Variants in NDST4 observed in about 807,000 individuals in gnomAD.
The protein encoded by NDST4 is N-deacetylase and N-sulfotransferase 4.
NDST4 carries 63 observed loss-of-function variants against 100.8 expected under a neutral mutation model. That is an observed-to-expected ratio of 0.62 (90% confidence interval 0.51 to 0.77). The LOEUF (loss-of-function observed/expected upper bound fraction) is 0.77, where lower values mean the gene tolerates loss of function less well. Among genes scored for constraint, NDST4 ranks in the 30% least tolerant of loss-of-function variants. The pLI is 0.00. For missense variants in NDST4, 943 were observed against 1,018.4 expected, an observed-to-expected ratio of 0.93 and a Z score of 1.01; for synonymous variants, 377 against 361.8, an observed-to-expected ratio of 1.04 and a Z score of -0.48.
intron 7 of NDST4, among the ~76,000 whole-genome samples, chr4:114,867,665 C>CAAAAAAAAAAAAAAAAAAAAAAAAAAAGA: frequency 2.6e-4 from 21 of 79,854 alleles, no homozygotes; most frequent in South Asian, 1.1e-3. Context: ...AAAAAAAAAG[C>CAAAAAAAAAAAAAAAAAAAAAAAAAAAGA]AAAAAAAAAA....
chr4:114,903,561 A>G (rs989338983), intron 6 of NDST4, among the ~76,000 whole-genome samples: 4 of 151,930 alleles, frequency 2.6e-5, no homozygotes, highest in African/African-American at 9.7e-5. Flanking sequence ...AGTTGTAATT[A>G]TTTGTATTTG....
At chr4:114,879,470 G>C (rs544017556) in intron 6 of NDST4, among the ~76,000 whole-genome samples, 2 of 152,040 alleles carry the variant, frequency 1.3e-5, no homozygotes, top group Non-Finnish European at 2.9e-5. Context: ...CTAAATCAAA[G>C]AGCACCCCCA....
chr4:114,922,649 T>C (rs565575522), intron 6 of NDST4, among the ~76,000 whole-genome samples: 2 of 152,256 alleles, frequency 1.3e-5, no homozygotes, highest in East Asian at 3.9e-4. Flanking sequence ...TCAAATTCTT[T>C]CTTCTGAGGA....
intron 2 of NDST4, among the ~76,000 whole-genome samples, chr4:115,053,432 T>C (rs920124555): frequency 1.3e-5 from 2 of 152,138 alleles, no homozygotes; most frequent in African/African-American, 4.8e-5. Flanking sequence ...CTTCATCTAG[T>C]TTATATAAGT....
In NDST4 at chr4:115,076,678, A is replaced by G. The variant is rs1162259582; in HGVS notation, c.359T>C (p.Leu120Pro). The change falls in exon 2 of 14, where the codon CTT becomes CCT. Residue 120 changes from leucine to proline, a missense_variant. By Grantham distance (98) the Leu-to-Pro change is moderately conservative. This residue lies in a region of NDST4 where 417 missense variants were observed against 384.2 expected (regional missense o/e 1.09). Coordinates refer to ENST00000264363, the MANE Select transcript of NDST4 (RefSeq NM_022569.3). ...ATATTTCCCTTTGCCATTATCTGTA[A>G]GAGGAGGTATATCTCCCTTTCCAGG... ...IAPGKGDIPP[L>P]TDNGKGKYTL... The G allele has an allele frequency of 6.2e-7, 1 of 1,613,812 alleles. No homozygotes were observed. Among genetic ancestry groups the G allele is most frequent in the East Asian group, 2.2e-5 (1 of 44,792 alleles).
chr4:114,865,815 A>G (rs1032333672), intron 7 of NDST4, among the ~76,000 whole-genome samples: 4 of 152,178 alleles, frequency 2.6e-5, no homozygotes, highest in African/African-American at 9.7e-5. Flanking sequence ...TCATTTTTGG[A>G]TGTCAGAATG....
At chr4:115,110,955 C>A (rs1204143499) in intron 1 of NDST4, among the ~76,000 whole-genome samples, 1 of 151,994 alleles carries the variant, frequency 6.6e-6, no homozygotes, top group Non-Finnish European at 1.5e-5. Context: ...CCAGCCAGGG[C>A]TGATATTCTA....
chr4:114,834,142 C>G (rs748509175), intron 11 of NDST4, among the ~76,000 whole-genome samples: 4 of 152,064 alleles, frequency 2.6e-5, no homozygotes, highest in Non-Finnish European at 5.9e-5. Flanking sequence ...ACAAACAAGA[C>G]AGAGGGAGGA....
intron 12 of NDST4, among the ~76,000 whole-genome samples, chr4:114,831,950 T>C (rs1723209548): frequency 6.6e-6 from 1 of 152,206 alleles, no homozygotes; most frequent in African/African-American, 2.4e-5. Context: ...GAGTTGGTTG[T>C]GGTTTGAGTT....
intron 6 of NDST4, among the ~76,000 whole-genome samples, chr4:114,906,390 T>C (rs1292157589): frequency 2.0e-5 from 3 of 151,722 alleles, no homozygotes; most frequent in South Asian, 2.1e-4. Context: ...TTTTTTGTTA[T>C]GAAAGGAGAT....
intron 1 of NDST4, among the ~76,000 whole-genome samples, chr4:115,083,331 A>C (rs769717137): frequency 1.3e-5 from 2 of 151,974 alleles, no homozygotes; most frequent in African/African-American, 2.4e-5. Context: ...CGGTGGTGTG[A>C]ACCTGTAGTT....
intron 7 of NDST4, among the ~76,000 whole-genome samples, chr4:114,861,015 G>T (rs1338440046): frequency 6.6e-6 from 1 of 152,170 alleles, no homozygotes; most frequent in African/African-American, 2.4e-5. Context: ...ACTTTGAGTA[G>T]CACTATTCTG....
intron 2 of NDST4, among the ~76,000 whole-genome samples, chr4:115,071,284 ACACAC>A (rs1729072963): frequency 1.5e-5 from 2 of 129,866 alleles, no homozygotes; most frequent in Non-Finnish European, 3.1e-5. Context: ...CTTCACACAC[ACACAC>A]ACACACACAC....
At chr4:115,081,106 A>AAG (rs1048833831) in intron 1 of NDST4, among the ~76,000 whole-genome samples, 5 of 152,096 alleles carry the variant, frequency 3.3e-5, no homozygotes, top group Admixed American at 2.0e-4. Context: ...AATTAAAAAA[A>AAG]AAACCATATG....
intron 6 of NDST4, among the ~76,000 whole-genome samples, chr4:114,929,041 T>TCC (rs1560816896): frequency 8.3e-4 from 101 of 121,956 alleles, no homozygotes; most frequent in Admixed American, 9.4e-4. Flanking sequence ...TCTGTCTGTC[T>TCC]GTCCGTCCGT....
At chr4:114,933,432 C>CT (rs367931653) in intron 6 of NDST4, among the ~76,000 whole-genome samples, 27,947 of 90,216 alleles carry the variant, frequency 0.31, 4,269 homozygotes, top group Non-Finnish European at 0.39. Context: ...TTTTCTTTTC[C>CT]TTTTTTTTTT....
chr4:115,020,772 C>T (rs1209792810), intron 2 of NDST4, among the ~76,000 whole-genome samples: 1 of 151,868 alleles, frequency 6.6e-6, no homozygotes, highest in East Asian at 1.9e-4. Context: ...AGACAGTTCC[C>T]AAAAGAAGAT....
chr4:115,071,525 A>T lies in NDST4; in HGVS notation c.978+4534T>A, dbSNP rs146902338. Among the ~76,000 whole-genome samples, 114 of 152,282 alleles carry T rather than the reference A, an allele frequency of 7.5e-4. No homozygotes were observed. In the East Asian group the frequency reaches 0.018, roughly 24 times the overall value. ...TCTTTCATACCTTGAAATAGGGATG[A>T]CATTTGAATTTCAAATTCAAATAGG... On this transcript the variant is annotated intron_variant, in intron 2 of 13. Coordinates refer to ENST00000264363, the MANE Select transcript of NDST4 (RefSeq NM_022569.3).
Position 114,838,708 on chromosome 4 carries a change from C to T in NDST4, c.2286+670G>A, listed in dbSNP as rs572154986. 2.6e-5 allele frequency among the ~76,000 whole-genome samples: 4 copies of T among 151,898 alleles called. No homozygotes were observed. In the East Asian group the frequency reaches 5.8e-4, roughly 22 times the overall value. ...GCGAGGGATAGCATTAGGAGAAATA[C>T]CTAATGTAGGTGACGGATTGATGGG... On this transcript the variant is annotated intron_variant, in intron 11 of 13. Coordinates refer to ENST00000264363, the MANE Select transcript of NDST4 (RefSeq NM_022569.3).
Sources: allele counts gnomAD v4.1 joint callset (sites outside exome capture counted in the v4.1 genomes callset), GRCh38; gene constraint gnomAD v4.1.1; regional missense constraint gnomAD v4.1.1; transcripts MANE v1.5; gene names NCBI Gene and HGNC (gene_info 2026-07-23, HGNC 2026-07-21).